PKP2: variants seen among roughly 807,000 people sequenced by gnomAD.
PKP2 encodes plakophilin 2.
PKP2 carries 73 observed loss-of-function variants against 83.4 expected under a neutral mutation model. The observed-to-expected ratio is 0.88, with a 90% confidence interval of 0.72 to 1.06. PKP2 has a LOEUF of 1.06. PKP2 is among the 50% of genes least tolerant of loss of function. PKP2 has a pLI of 0.00. For missense variants in PKP2, 966 were observed against 1,065.4 expected (o/e 0.91, Z 1.30); for synonymous variants, 409 against 430.4 (o/e 0.95, Z 0.62).
rs192446802 is a variant in PKP2 at position 32,804,753 on chromosome 12, A to T, written c.2014-2197T>A. Among the ~76,000 whole-genome samples, 989 of 152,310 alleles carry T rather than the reference A, an allele frequency of 6.5e-3. 13 individuals are homozygous for T. The highest frequency in any genetic ancestry group is 0.023 in the African/African-American group (963 of 41,554). ...TCTTTGCTATTGTGAATAGTGCTGC[A>T]ATGAACAAACACATGCATGTATCTT... On this transcript the variant is annotated intron_variant, in intron 9 of 12. Coordinates refer to ENST00000340811, the MANE Select transcript of PKP2 (RefSeq NM_001005242.3).
At chr12:32,819,549 C>A (rs976951186) in intron 9 of PKP2, among the ~76,000 whole-genome samples, 1 of 152,134 alleles carries the variant, frequency 6.6e-6, no homozygotes, top group African/African-American at 2.4e-5. Flanking sequence ...CTTTAAATTT[C>A]TGTTTTTCAT....
chr12:32,859,381 T>C (rs1238886716), intron 4 of PKP2, among the ~76,000 whole-genome samples: 2 of 152,210 alleles, frequency 1.3e-5, no homozygotes, highest in Non-Finnish European at 2.9e-5. Flanking sequence ...GCATAGTTTA[T>C]GCATGCAAGA....
chr12:32,892,033 A>G (rs1957078613), intron 1 of PKP2, among the ~76,000 whole-genome samples: 1 of 152,118 alleles, frequency 6.6e-6, no homozygotes. Context: ...ACAGAGGTGC[A>G]TTTAATCCAG....
intron 6 of PKP2, among the ~76,000 whole-genome samples, chr12:32,834,532 C>T (rs189707242): frequency 9.4e-4 from 143 of 152,270 alleles, no homozygotes; most frequent in African/African-American, 3.3e-3. Flanking sequence ...AAACTTGACT[C>T]TCACTGCTCT....
chr12:32,801,625 A>G (rs1229923519), intron 10 of PKP2, among the ~76,000 whole-genome samples: 5 of 152,238 alleles, frequency 3.3e-5, no homozygotes, highest in African/African-American at 1.2e-4. Flanking sequence ...AATATTGTTT[A>G]TAATTTTTGT....
intron 1 of PKP2, among the ~76,000 whole-genome samples, chr12:32,881,659 A>G (rs1456971592): frequency 6.6e-6 from 1 of 152,076 alleles, no homozygotes; most frequent in Non-Finnish European, 1.5e-5. Flanking sequence ...TATTATTGTT[A>G]TTATTATTTT....
Position 32,878,049 on chromosome 12 carries a change from C to A in PKP2, c.831G>T (p.Leu277=). The A allele has an allele frequency of 2.5e-6, 4 of 1,613,960 alleles. No homozygotes were observed. The highest frequency in any genetic ancestry group is 3.4e-6 in the Non-Finnish European group (4 of 1,180,042). ...TVGQVRPLVP[L]QPVTQNRASR... is the part of the protein sequence containing the mutation. ...AAGCCCTGTTCTGAGTGACGGGCTG[C>A]AGGGGCACCAGCGGCCTGACCTGCC... The change falls in exon 3 of 13, where the codon CTG becomes CTT. Residue 277 remains leucine (L), a synonymous_variant. Coordinates refer to ENST00000340811, the MANE Select transcript of PKP2 (RefSeq NM_001005242.3).
chr12:32,845,326 C>T (rs902121704), intron 5 of PKP2, among the ~76,000 whole-genome samples: 6 of 152,084 alleles, frequency 3.9e-5, no homozygotes, highest in East Asian at 3.9e-4. Flanking sequence ...CCGAGGGGGG[C>T]GGATCACGAG....
chr12:32,848,455 T>C (rs1213628971), intron 5 of PKP2, among the ~76,000 whole-genome samples: 6 of 152,126 alleles, frequency 3.9e-5, no homozygotes, highest in African/African-American at 1.4e-4. Context: ...GAGAGTAGCA[T>C]GGTACCTCAC....
chr12:32,882,047 T>C (rs1956991493), intron 1 of PKP2, among the ~76,000 whole-genome samples: 1 of 152,174 alleles, frequency 6.6e-6, no homozygotes, highest in Non-Finnish European at 1.5e-5. Flanking sequence ...GGTAGAGGGA[T>C]GTGGCTGGGG....
intron 6 of PKP2, among the ~76,000 whole-genome samples, chr12:32,830,172 A>G (rs1271081973): frequency 6.6e-6 from 1 of 152,248 alleles, no homozygotes; most frequent in Non-Finnish European, 1.5e-5. Context: ...TTGATGAGAC[A>G]TCGGCTGACA....
At position 32,868,909 on chromosome 12, in the gene PKP2, A is replaced by T; in HGVS notation, c.1170+18T>A. ...GAAAGTGTGTTGCGCTTTGCAATGG[A>T]CTGAAGATGACACTCACCCTCTTCC... On this transcript the variant is annotated intron_variant, in intron 4 of 12. Transcript: ENST00000340811. The T allele has an allele frequency of 6.2e-7, 1 of 1,610,870 alleles. No individual in the cohort carries two copies. Among genetic ancestry groups the T allele is most frequent in the Non-Finnish European group, 8.5e-7 (1 of 1,178,540 alleles).
chr12:32,814,152 C>T (rs1956300655), intron 9 of PKP2, among the ~76,000 whole-genome samples: 1 of 152,138 alleles, frequency 6.6e-6, no homozygotes, highest in South Asian at 2.1e-4. Flanking sequence ...ATAAGTCCTG[C>T]TCTTCTGAGT....
rs541670166 is a variant in PKP2, at chr12:32,831,832, T to A, written c.1557-7670A>T. On this transcript the variant is annotated intron_variant, in intron 6 of 12. Coordinates refer to ENST00000340811, the MANE Select transcript of PKP2 (RefSeq NM_001005242.3). ...GGACCTTTGTAAGGTGGTCAACTGG[T>A]TGTAGATGGGCTGCTTCAGCATCTC... Among the ~76,000 whole-genome samples, 82 of 152,270 alleles carry A rather than the reference T, an allele frequency of 5.4e-4. 2 individuals are homozygous for A. Among genetic ancestry groups the A allele is most frequent in the African/African-American group, 1.9e-3 (80 of 41,566 alleles).
chr12:32,822,074 T>C (rs549108832), intron 8 of PKP2, among the ~76,000 whole-genome samples: 1 of 152,346 alleles, frequency 6.6e-6, no homozygotes, highest in African/African-American at 2.4e-5. Context: ...GTTTTTAGAA[T>C]ACCCAAGGCC....
intron 8 of PKP2, among the ~76,000 whole-genome samples, chr12:32,822,167 A>G (rs1956386058): frequency 6.6e-6 from 1 of 152,236 alleles, no homozygotes; most frequent in South Asian, 2.1e-4. Flanking sequence ...CCTATAAGGC[A>G]TAAAGCAGTA....
intron 10 of PKP2, among the ~76,000 whole-genome samples, chr12:32,799,073 C>T (rs1230347825): frequency 6.6e-6 from 1 of 151,948 alleles, no homozygotes; most frequent in Non-Finnish European, 1.5e-5. Context: ...AGAAAAAAGC[C>T]AAATAATTCC....
rs1251559163 is a variant in PKP2 at position 32,791,060 on chromosome 12, A to G, written c.*1364T>C. On this transcript the variant is annotated 3_prime_UTR_variant, in exon 13 of 13. Transcript: ENST00000340811. ...TTTCTGTTACAGTTTTCTTGCCAAAAGGAGTTGAAGAATTTTTTTGCTTAT... is the reference window on the plus strand; with the variant it reads ...TTTCTGTTACAGTTTTCTTGCCAAAGGGAGTTGAAGAATTTTTTTGCTTAT... 1 of 152,224 alleles carries G rather than the reference A, an allele frequency of 6.6e-6. No homozygotes were observed. Among genetic ancestry groups the G allele is most frequent in the Non-Finnish European group, 1.5e-5 (1 of 68,034 alleles). The allele number at this position is 152,224 out of a possible 1,614,324, so 9.4% of individuals were successfully genotyped here. A position where few individuals can be genotyped will look rare whatever the true frequency, so the allele number is the denominator to read the frequency against.
chr12:32,863,259 A>G (rs1286301314), intron 4 of PKP2: 1 of 253,464 alleles, frequency 3.9e-6, no homozygotes, highest in Non-Finnish European at 8.5e-6. Flanking sequence ...ATGTATACAA[A>G]GCAAAGAACA....
Sources: allele counts gnomAD v4.1 joint callset (sites outside exome capture counted in the v4.1 genomes callset), GRCh38; gene constraint gnomAD v4.1.1; transcripts MANE v1.5; gene names NCBI Gene and HGNC (gene_info 2026-07-23, HGNC 2026-07-21).